Variants in CACNA1C observed in about 807,000 individuals in gnomAD.
CACNA1C encodes the protein voltage-dependent L-type calcium channel subunit alpha-1C.
CACNA1C carries 30 observed loss-of-function variants against 229.0 expected under a neutral mutation model. The ratio of observed to expected loss-of-function variants is 0.13; its 90% CI spans 0.10 to 0.18. The LOEUF is 0.18. Among genes scored for constraint, CACNA1C ranks in the 10% least tolerant of loss-of-function variants. The pLI is 1.00. For missense variants in CACNA1C, 1,658 were observed against 2,845.0 expected, an observed-to-expected ratio of 0.58 and a Z score of 9.49; for synonymous variants, 1,114 against 1,132.5, an observed-to-expected ratio of 0.98 and a Z score of 0.33.
At position 2,666,272 on chromosome 12, in the gene CACNA1C, T is replaced by C. The variant is rs2096090946; in HGVS notation, c.4527-414T>C. 6.6e-6 allele frequency among the ~76,000 whole-genome samples: 1 copy of C among 152,158 alleles called. No homozygotes were observed. The highest frequency in any genetic ancestry group is 1.5e-5 in the Non-Finnish European group (1 of 68,042). ...TCTAGTATCAGGAATAACTAGTAAG[T>C]GCTCAAGTTAGGATAGGTAGGGCCG... On this transcript the variant is annotated intron_variant, in intron 36 of 46. Transcript: ENST00000399655. This position sits in a 1 kb window ranked among gnomAD's most constrained non-coding sequence, Gnocchi z 5.3.
intron 3 of CACNA1C, among the ~76,000 whole-genome samples, chr12:2,325,064 C>T (rs2096228744): frequency 6.6e-6 from 1 of 152,182 alleles, no homozygotes; most frequent in South Asian, 2.1e-4. Flanking sequence ...TCTGCCTGGA[C>T]CTGGGCTCTC....
intron 5 of CACNA1C, among the ~76,000 whole-genome samples, chr12:2,484,660 T>C (rs1479256319): frequency 6.6e-6 from 1 of 151,994 alleles, no homozygotes; most frequent in East Asian, 1.9e-4. Context: ...AGCCCAGATT[T>C]GGGGTTCCCA....
In CACNA1C at chr12:2,647,966, AAAATT is replaced by A. The variant is rs373321638; in HGVS notation, c.3913-505_3913-501del. Among the ~76,000 whole-genome samples the A allele has an allele frequency of 7.4e-4, 112 of 152,256 alleles. No individual in the cohort carries two copies. The highest frequency in any genetic ancestry group is 3.4e-3 in the Middle Eastern group (1 of 294). On this transcript the variant is annotated intron_variant, in intron 30 of 46. Transcript: ENST00000399655. The surrounding 1 kb of genome is among the most constrained non-coding windows in gnomAD (Gnocchi z 4.2). ...AGTATAGTGAGACCCTGTCTCTAAA[AAAATT>A]AAAATAAAAAATTTAAATTAGCCGG...
chr12:2,077,751 T>C (rs1185630200), intron 1 of CACNA1C, among the ~76,000 whole-genome samples: 2 of 152,144 alleles, frequency 1.3e-5, no homozygotes, highest in Non-Finnish European at 2.9e-5. Context: ...GAGCTTCCTG[T>C]TCAGAGAAGG....
At chr12:2,164,334 G>A (rs956687809) in intron 3 of CACNA1C, among the ~76,000 whole-genome samples, 1 of 152,218 alleles carries the variant, frequency 6.6e-6, no homozygotes, top group Non-Finnish European at 1.5e-5. Context: ...TGTGGAGGGC[G>A]TAGAAAACAT....
At chr12:2,521,923 T>A (rs1267602346) in intron 9 of CACNA1C, among the ~76,000 whole-genome samples, 2 of 152,172 alleles carry the variant, frequency 1.3e-5, no homozygotes, top group Non-Finnish European at 2.9e-5. Context: ...TGAACATCTC[T>A]CAGTATTTCA....
At chr12:2,252,882 G>C (rs2076112905) in intron 3 of CACNA1C, among the ~76,000 whole-genome samples, 1 of 145,746 alleles carries the variant, frequency 6.9e-6, no homozygotes, top group Non-Finnish European at 1.5e-5. Flanking sequence ...TTTTTTTTCA[G>C]TCTTTCCCAT....
At chr12:2,449,376 G>A (rs897631336) in intron 4 of CACNA1C, among the ~76,000 whole-genome samples, 1 of 152,208 alleles carries the variant, frequency 6.6e-6, no homozygotes, top group Non-Finnish European at 1.5e-5. Flanking sequence ...GGAAAAGGAG[G>A]GGTCAGGCTT....
At chr12:2,360,117 C>G (rs2097514609) in intron 3 of CACNA1C, among the ~76,000 whole-genome samples, 1 of 151,482 alleles carries the variant, frequency 6.6e-6, no homozygotes. Context: ...GAGGAAAGTC[C>G]AGGTGTCTGT....
intron 1 of CACNA1C, among the ~76,000 whole-genome samples, chr12:2,021,257 G>T (rs2154487685): frequency 6.6e-6 from 1 of 152,220 alleles, no homozygotes; most frequent in East Asian, 1.9e-4. Context: ...TAAATAACTT[G>T]CTCAGGGTCA....
intron 30 of CACNA1C, among the ~76,000 whole-genome samples, chr12:2,644,333 C>G (rs1255169928): frequency 6.6e-6 from 1 of 152,166 alleles, no homozygotes; most frequent in African/African-American, 2.4e-5. Context: ...GGCTTATGCC[C>G]CCTTCACAAT....
chr12:2,422,728 C>T lies in CACNA1C; in HGVS notation c.478-26248C>T, dbSNP rs978376623. On this transcript the variant is annotated intron_variant, in intron 3 of 46. Transcript: ENST00000399655. ...TAAAGGGCACCACCTTATGTGTCAG[C>T]GCTGACTGGCAGCAGCTGCTGGAGT... is the stretch of plus-strand genomic sequence containing the variant. 4.6e-5 allele frequency among the ~76,000 whole-genome samples: 7 copies of T among 152,322 alleles called. No individual in the cohort carries two copies. In the South Asian group the frequency reaches 6.2e-4, roughly 14 times the overall value.
At chr12:2,075,173 C>G (rs2062742169) in intron 1 of CACNA1C, among the ~76,000 whole-genome samples, 1 of 152,182 alleles carries the variant, frequency 6.6e-6, no homozygotes, top group South Asian at 2.1e-4. Context: ...TTTCTACAGC[C>G]AGAGACTTTG....
At position 2,697,630 on chromosome 12, in the gene CACNA1C, A is replaced by AC. The variant is rs1279592864; in HGVS notation, c.*6432dup. On this transcript the variant is annotated 3_prime_UTR_variant, in exon 47 of 47. Transcript: ENST00000399655. ...AGTGCCTCCGTTGTCACCATTCCCCACACCCCTACACACCCCCACACCCTC... is the reference window on the plus strand; with the variant it reads ...AGTGCCTCCGTTGTCACCATTCCCCACCACCCCTACACACCCCCACACCCTC... 1 of 149,998 alleles carries AC rather than the reference A, an allele frequency of 6.7e-6. No homozygotes were observed. Among genetic ancestry groups the AC allele is most frequent in the African/African-American group, 2.5e-5 (1 of 40,496 alleles). The allele number at this position is 149,998 out of a possible 1,614,324, so 9.3% of individuals were successfully genotyped here.
chr12:2,123,176 A>G (rs1409922033), intron 3 of CACNA1C, among the ~76,000 whole-genome samples: 2 of 152,054 alleles, frequency 1.3e-5, no homozygotes, highest in African/African-American at 4.8e-5. Flanking sequence ...GGAGATCGAG[A>G]CCAGCCTGGC....
chr12:2,682,787 G>A, intron 43 of CACNA1C, 109 bp downstream of exon 43: 8 of 1,045,702 alleles, frequency 7.7e-6, no homozygotes, highest in Non-Finnish European at 1.0e-5. Context: ...CAGGAGGAGA[G>A]GAGATCACAG....
At position 2,605,225 on chromosome 12, in the gene CACNA1C, C is replaced by T; in HGVS notation, c.3048+57C>T. On this transcript the variant is annotated intron_variant, in intron 23 of 46. Coordinates refer to ENST00000399655, the MANE Select transcript of CACNA1C (RefSeq NM_000719.7). This position sits in a 1 kb window ranked among gnomAD's most constrained non-coding sequence, Gnocchi z 6.2. ...GCCAGCCCATTGGGGAGTGGGAGCT[C>T]CACAGAGGTGAGGGGTGGGTTGGAA... 8.1e-7 allele frequency: 1 copy of T among 1,234,028 alleles called. No homozygotes were observed. Among genetic ancestry groups the T allele is most frequent in the South Asian group, 1.2e-5 (1 of 82,522 alleles). The allele number at this position is 1,234,028 out of a possible 1,614,324, so 76.4% of individuals were successfully genotyped here. A position where few individuals can be genotyped will look rare whatever the true frequency, so the allele number is the denominator to read the frequency against.
Position 2,665,513 on chromosome 12 carries a change from A to T in CACNA1C, c.4399-68A>T. The T allele has an allele frequency of 1.3e-6, 2 of 1,581,674 alleles. No homozygotes were observed. Among genetic ancestry groups the T allele is most frequent in the Non-Finnish European group, 1.7e-6 (2 of 1,156,870 alleles). ...CTGCCATCAGTAGGCCCCAGCTGGC[A>T]AGGGGGTTCCAGAGGCAGGTGTGTA... On this transcript the variant is annotated intron_variant, in intron 35 of 46. Coordinates refer to ENST00000399655, the MANE Select transcript of CACNA1C (RefSeq NM_000719.7). This position sits in a 1 kb window ranked among gnomAD's most constrained non-coding sequence, Gnocchi z 5.9.
chr12:2,072,060 G>A (rs2061532219), intron 1 of CACNA1C, among the ~76,000 whole-genome samples: 1 of 152,154 alleles, frequency 6.6e-6, no homozygotes, highest in African/African-American at 2.4e-5. Flanking sequence ...CCGGAAAGGG[G>A]TTATAATAAA....
Sources: gnomAD v4.1 joint callset for allele counts (sites outside exome capture counted in the v4.1 genomes callset) on GRCh38, gnomAD v4.1.1 for gene constraint, Gnocchi (gnomAD v3.1) non-coding constraint, MANE v1.5 for transcripts, NCBI Gene and HGNC (gene_info 2026-07-23, HGNC 2026-07-21) for gene names.